The following TUSC3 variants were observed in gnomAD, a reference collection of about 807,000 sequenced individuals.
The protein encoded by TUSC3 is dolichyl-diphosphooligosaccharide--protein glycosyltransferase subunit TUSC3.
TUSC3 carries 45 observed loss-of-function variants against 44.8 expected under a neutral mutation model. The observed-to-expected ratio is 1.00, with a 90% confidence interval of 0.79 to 1.29. The LOEUF (loss-of-function observed/expected upper bound fraction) is 1.29. TUSC3 is among the 50% of genes most tolerant of loss of function. The probability of loss-of-function intolerance (pLI) is 0.00; values close to 1 mark genes in which losing one functional copy is unlikely to be tolerated. For synonymous variants in TUSC3, 212 were observed against 152.9 expected (o/e 1.39, Z -2.85); for missense variants, 519 against 437.9 (o/e 1.19, Z -1.65).
At chr8:15,808,871 A>T in the TUSC3 span, among the ~76,000 whole-genome samples, 1 of 152,206 alleles carries the variant, frequency 6.6e-6, no homozygotes, top group South Asian at 2.1e-4. Flanking sequence ...TTTTTAAAAA[A>T]AGATAACATG....
intron 6 of TUSC3, among the ~76,000 whole-genome samples, chr8:15,698,577 C>T (rs1291576601): frequency 6.6e-6 from 1 of 152,104 alleles, no homozygotes; most frequent in African/African-American, 2.4e-5. Context: ...CCGAGGTAAT[C>T]TCTACAGCAC....
chr8:15,515,736 C>T (rs935209776), intron 2 of TUSC3, among the ~76,000 whole-genome samples: 3 of 152,040 alleles, frequency 2.0e-5, no homozygotes, highest in Non-Finnish European at 2.9e-5. Context: ...CATGCAATCT[C>T]GGCCCACTGC....
At chr8:15,547,640 C>A (rs1801918986) in intron 1 of TUSC3, among the ~76,000 whole-genome samples, 1 of 144,142 alleles carries the variant, frequency 6.9e-6, no homozygotes, top group African/African-American at 2.5e-5. Context: ...AGGTTGAAAT[C>A]CTAACTTTGA....
chr8:15,515,949 A>G (rs2129128724), intron 2 of TUSC3, among the ~76,000 whole-genome samples: 1 of 152,282 alleles, frequency 6.6e-6, no homozygotes, highest in Non-Finnish European at 1.5e-5. Context: ...GATTAGAGGC[A>G]TGAGCCACCA....
intron 1 of TUSC3, among the ~76,000 whole-genome samples, chr8:15,468,524 G>C (rs986231359): frequency 1.3e-5 from 2 of 152,194 alleles, no homozygotes; most frequent in East Asian, 3.9e-4. Context: ...TCTTCACTCT[G>C]TCAAATTAGC....
intron 1 of TUSC3, among the ~76,000 whole-genome samples, chr8:15,435,698 C>T (rs996188750): frequency 3.3e-5 from 5 of 152,114 alleles, no homozygotes; most frequent in African/African-American, 1.2e-4. Flanking sequence ...AAAAATCTCA[C>T]CTTACATTTG....
chr8:15,770,435 A>G (rs1418667318), downstream of TUSC3, among the ~76,000 whole-genome samples: 2 of 152,112 alleles, frequency 1.3e-5, no homozygotes, highest in East Asian at 3.9e-4. Context: ...GAGAGATAGC[A>G]TTAGGAGAAA....
intron 1 of TUSC3, among the ~76,000 whole-genome samples, chr8:15,595,666 C>G (rs572679562): frequency 3.3e-5 from 5 of 152,190 alleles, no homozygotes; most frequent in Non-Finnish European, 7.4e-5. Flanking sequence ...GTTGCTATTT[C>G]AAAAGCATCC....
intron 1 of TUSC3, 36 bp from the exon 2 acceptor site, chr8:15,623,044 C>T: frequency 6.2e-7 from 1 of 1,605,232 alleles, no homozygotes; most frequent in South Asian, 1.1e-5. Flanking sequence ...AGGACTTTGA[C>T]TCTTTGTAAA....
At chr8:15,754,968 C>G (rs1056058261) in intron 9 of TUSC3, among the ~76,000 whole-genome samples, 1 of 151,968 alleles carries the variant, frequency 6.6e-6, no homozygotes, top group Non-Finnish European at 1.5e-5. Flanking sequence ...ATAGTACTTT[C>G]AAAATTGTTG....
downstream of TUSC3, among the ~76,000 whole-genome samples, chr8:15,768,383 T>G (rs1449178284): frequency 6.6e-6 from 1 of 152,070 alleles, no homozygotes. Context: ...GTTCAGGCTA[T>G]CCACTTTATA....
At chr8:15,526,079 C>T (rs1248155435) in intron 2 of TUSC3, among the ~76,000 whole-genome samples, 1 of 151,970 alleles carries the variant, frequency 6.6e-6, no homozygotes, top group African/African-American at 2.4e-5. Context: ...GTCGTCCAGG[C>T]TGGAGTGCAG....
chr8:15,626,394 G>C (rs1805510333), intron 2 of TUSC3, among the ~76,000 whole-genome samples: 1 of 152,222 alleles, frequency 6.6e-6, no homozygotes, highest in African/African-American at 2.4e-5. Flanking sequence ...TGGGTCTGGG[G>C]CAGTGCTGTG....
chr8:15,649,578 C>T (rs1394530915), intron 2 of TUSC3, among the ~76,000 whole-genome samples: 1 of 142,878 alleles, frequency 7.0e-6, no homozygotes, highest in Admixed American at 7.1e-5. Context: ...AGCAAGACTC[C>T]GTCTCAAAAG....
the TUSC3 span, among the ~76,000 whole-genome samples, chr8:15,832,246 G>C: frequency 6.6e-6 from 1 of 152,072 alleles, no homozygotes; most frequent in Non-Finnish European, 1.5e-5. Context: ...CAAATACTGA[G>C]GGAATTCATT....
intron 2 of TUSC3, among the ~76,000 whole-genome samples, chr8:15,638,530 T>C (rs1421173076): frequency 2.2e-5 from 3 of 134,018 alleles, no homozygotes; most frequent in Non-Finnish European, 4.8e-5. Flanking sequence ...TTTTTTTTTT[T>C]TTTTTTTTTG....
At chr8:15,521,890 G>T (rs866150392) in intron 2 of TUSC3, among the ~76,000 whole-genome samples, 1 of 152,328 alleles carries the variant, frequency 6.6e-6, no homozygotes, top group South Asian at 2.1e-4. Context: ...TAGCTATTAG[G>T]TTGGTGCAAA....
At chr8:15,688,749 A>G (rs977251564) in intron 6 of TUSC3, among the ~76,000 whole-genome samples, 1 of 152,112 alleles carries the variant, frequency 6.6e-6, no homozygotes, top group African/African-American at 2.4e-5. Flanking sequence ...TATGCCAGGG[A>G]GGACACAGTT....
Position 15,540,647 on chromosome 8 carries a change from G to C in TUSC3, c.138+79G>C, listed in dbSNP as rs967050882. 4.9e-6 allele frequency: 7 copies of C among 1,432,330 alleles called. No homozygotes were observed. The African/African-American group carries it at 7.4e-5, about 15-fold the overall frequency. The allele number at this position is 1,432,330 out of a possible 1,614,324, so 88.7% of individuals were successfully genotyped here. A position where few individuals can be genotyped will look rare whatever the true frequency, so the allele number is the denominator to read the frequency against. On this transcript the variant is annotated intron_variant, in intron 1 of 10. Coordinates refer to ENST00000503731, the MANE Select transcript of TUSC3 (RefSeq NM_006765.4). ...CCGCGTTGCCAGGCAGCCCTGCCGT[G>C]TTGCTAGGCAGCCTGGTCGCCGGCG... is the stretch of plus-strand genomic sequence containing the variant.
Sources: allele counts gnomAD v4.1 joint callset (sites outside exome capture counted in the v4.1 genomes callset), GRCh38; gene constraint gnomAD v4.1.1; transcripts MANE v1.5; gene names NCBI Gene and HGNC (gene_info 2026-07-23, HGNC 2026-07-21).